CAMK1D: variants seen among roughly 807,000 people sequenced by gnomAD.
CAMK1D encodes the protein calcium/calmodulin-dependent protein kinase type 1D.
CAMK1D carries 9 observed loss-of-function variants against 47.7 expected under a neutral mutation model. The observed-to-expected ratio is 0.19, with a 90% confidence interval of 0.11 to 0.33. CAMK1D has a LOEUF of 0.33. CAMK1D is among the 10% of genes least tolerant of loss of function. The pLI, the probability that CAMK1D is intolerant of heterozygous loss-of-function variation, is 1.00. For synonymous variants in CAMK1D, 184 were observed against 184.9 expected (o/e 0.99, Z 0.04); for missense variants, 291 against 488.7 (o/e 0.60, Z 3.81).
At chr10:12,514,355 G>A (rs1463189972) in intron 1 of CAMK1D, among the ~76,000 whole-genome samples, 1 of 152,168 alleles carries the variant, frequency 6.6e-6, no homozygotes, top group Admixed American at 6.5e-5. Context: ...TTGGAAGTGT[G>A]TGCATCAAGT....
intron 1 of CAMK1D, among the ~76,000 whole-genome samples, chr10:12,446,501 T>C (rs1832929418): frequency 6.6e-6 from 1 of 152,180 alleles, no homozygotes; most frequent in African/African-American, 2.4e-5. Context: ...AACAAGGTCT[T>C]TATGACCTGT....
At chr10:12,379,344 A>G (rs946379765) in intron 1 of CAMK1D, among the ~76,000 whole-genome samples, 15 of 152,222 alleles carry the variant, frequency 9.9e-5, no homozygotes, top group Non-Finnish European at 1.5e-4. Flanking sequence ...TAAAATGGAA[A>G]TCATAATTGT....
At chr10:12,550,635 T>G (rs1836546691) in intron 1 of CAMK1D, among the ~76,000 whole-genome samples, 1 of 152,212 alleles carries the variant, frequency 6.6e-6, no homozygotes, top group East Asian at 1.9e-4. Flanking sequence ...TGTGTTTATA[T>G]TTAGTGATGA....
chr10:12,734,361 T>G lies in CAMK1D; in HGVS notation c.300-26587T>G, dbSNP rs868204777. Reference sequence around the variant, plus strand: ...AAAAAAAAAAATATATATATATATATATATATATATATATATAGATATAGA... The same window carrying G: ...AAAAAAAAAAATATATATATATATAGATATATATATATATATAGATATAGA... On this transcript the variant is annotated intron_variant, in intron 3 of 10. Coordinates refer to ENST00000619168, the MANE Select transcript of CAMK1D (RefSeq NM_153498.4). 3.1e-3 allele frequency among the ~76,000 whole-genome samples: 29 copies of G among 9,316 alleles called. 2 individuals carry two copies. Among genetic ancestry groups the G allele is most frequent in the African/African-American group, 9.6e-3 (28 of 2,930 alleles). 6.1% of individuals were successfully genotyped at this position (9,316 alleles called of 152,430 possible). A position where few individuals can be genotyped will look rare whatever the true frequency, so the allele number is the denominator to read the frequency against.
At chr10:12,812,378 G>A (rs897586334) in intron 6 of CAMK1D, among the ~76,000 whole-genome samples, 1 of 152,200 alleles carries the variant, frequency 6.6e-6, no homozygotes, top group Non-Finnish European at 1.5e-5. Flanking sequence ...CACTTTGGGA[G>A]GCCGAGGAGG....
intron 2 of CAMK1D, among the ~76,000 whole-genome samples, chr10:12,573,379 A>G (rs764172151): frequency 1.3e-5 from 2 of 152,198 alleles, no homozygotes; most frequent in Admixed American, 6.5e-5. Flanking sequence ...TGGTTGACTT[A>G]CACTGGTGGG....
At chr10:12,802,030 G>C (rs1267880565) in intron 6 of CAMK1D, among the ~76,000 whole-genome samples, 1 of 152,032 alleles carries the variant, frequency 6.6e-6, no homozygotes, top group Non-Finnish European at 1.5e-5. Context: ...CTCCTTCATG[G>C]CCTTTTCTCC....
rs538912834 is a variant in CAMK1D at position 12,453,056 on chromosome 10, A to G, written c.93-100169A>G. 4.0e-5 allele frequency among the ~76,000 whole-genome samples: 6 copies of G among 151,894 alleles called. No homozygotes were observed. The East Asian group carries it at 9.7e-4, about 25-fold the overall frequency. On this transcript the variant is annotated intron_variant, in intron 1 of 10. Coordinates refer to ENST00000619168, the MANE Select transcript of CAMK1D (RefSeq NM_153498.4). ...CAGCCCCATTCTACTTTCTCCCTCTATGTATTGGACTACTCTAGGGGCCTT... is the reference window on the plus strand; with the variant it reads ...CAGCCCCATTCTACTTTCTCCCTCTGTGTATTGGACTACTCTAGGGGCCTT...
intron 3 of CAMK1D, among the ~76,000 whole-genome samples, chr10:12,670,498 T>A (rs1367439234): frequency 6.6e-6 from 1 of 152,084 alleles, no homozygotes; most frequent in African/African-American, 2.4e-5. Context: ...TTTAAAAAAA[T>A]TCATGGAAAT....
At chr10:12,643,168 A>AT (rs1200176260) in intron 2 of CAMK1D, among the ~76,000 whole-genome samples, 2 of 151,942 alleles carry the variant, frequency 1.3e-5, no homozygotes, top group Non-Finnish European at 2.9e-5. Flanking sequence ...CACCTGGCTA[A>AT]TTTTTTGTAT....
chr10:12,371,727 A>G lies in CAMK1D; in HGVS notation c.92+21817A>G, dbSNP rs535913441. ...CCTGGCCAAGATGGTGAAACCCTGT[A>G]TCTACTAAAAATAGAAAAATTAGCT... On this transcript the variant is annotated intron_variant, in intron 1 of 10. Transcript: ENST00000619168. 2.6e-5 allele frequency among the ~76,000 whole-genome samples: 4 copies of G among 151,986 alleles called. No homozygotes were observed. The East Asian group carries it at 7.8e-4, about 30-fold the overall frequency.
chr10:12,474,153 C>G (rs1483042420), intron 1 of CAMK1D, among the ~76,000 whole-genome samples: 1 of 150,360 alleles, frequency 6.7e-6, no homozygotes, highest in African/African-American at 2.4e-5. Context: ...ATAGGCTAGA[C>G]TGTGTCACCA....
chr10:12,507,681 T>C (rs1476092255), intron 1 of CAMK1D, among the ~76,000 whole-genome samples: 1 of 152,134 alleles, frequency 6.6e-6, no homozygotes, highest in African/African-American at 2.4e-5. Flanking sequence ...TCCTGAGGTT[T>C]GCGTTTCTTG....
At chr10:12,351,722 AC>A (rs1157859994) in intron 1 of CAMK1D, among the ~76,000 whole-genome samples, 1 of 151,928 alleles carries the variant, frequency 6.6e-6, no homozygotes, top group African/African-American at 2.4e-5. Context: ...GGTGGTTTCC[AC>A]CTTGGGGAAA....
chr10:12,489,218 G>C (rs1178133992), intron 1 of CAMK1D, among the ~76,000 whole-genome samples: 1 of 152,182 alleles, frequency 6.6e-6, no homozygotes, highest in African/African-American at 2.4e-5. Context: ...GATTACAGGC[G>C]TGAGCCACTG....
intron 6 of CAMK1D, among the ~76,000 whole-genome samples, chr10:12,797,122 G>A (rs1438780494): frequency 1.3e-5 from 2 of 152,058 alleles, no homozygotes; most frequent in Admixed American, 6.5e-5. Context: ...TGGTCTCCAG[G>A]CCACCTTCTC....
intron 2 of CAMK1D, among the ~76,000 whole-genome samples, chr10:12,583,533 C>T (rs1204185129): frequency 1.3e-5 from 2 of 151,868 alleles, no homozygotes; most frequent in Non-Finnish European, 2.9e-5. Flanking sequence ...TGTGCTTTGA[C>T]CTTGCTCATT....
intron 7 of CAMK1D, 137 bp from the exon 8 acceptor site, chr10:12,816,113 A>C: frequency 1.6e-6 from 1 of 613,402 alleles, no homozygotes; most frequent in Admixed American, 3.1e-5. Flanking sequence ...TTTGTGTCCA[A>C]GGTACAGTAG....
chr10:12,538,885 CAAA>C (rs60713871), intron 1 of CAMK1D, among the ~76,000 whole-genome samples: 9,429 of 89,112 alleles, frequency 0.11, 411 homozygotes, highest in East Asian at 0.31. Flanking sequence ...AAAACTGAGG[CAAA>C]AAAAAAAAAA....
Sources: gnomAD v4.1 joint callset for allele counts (sites outside exome capture counted in the v4.1 genomes callset) on GRCh38, gnomAD v4.1.1 for gene constraint, MANE v1.5 for transcripts, NCBI Gene and HGNC (gene_info 2026-07-23, HGNC 2026-07-21) for gene names.